ZNF675: variants seen among roughly 807,000 people sequenced by gnomAD.
ZNF675 encodes the protein TRAF6 inhibitory zinc finger.
In ZNF675, 36 loss-of-function variants were observed where a neutral mutation model predicts 56.1. That is an observed-to-expected ratio of 0.64 (90% CI 0.49 to 0.85). The LOEUF (loss-of-function observed/expected upper bound fraction) is 0.85. ZNF675 is among the 40% of genes least tolerant of loss of function. The pLI, the probability that ZNF675 is intolerant of heterozygous loss-of-function variation, is 0.00. For missense variants in ZNF675, 663 were observed against 654.2 expected, an observed-to-expected ratio of 1.01 and a Z score of -0.15; for synonymous variants, 200 against 218.9, an observed-to-expected ratio of 0.91 and a Z score of 0.76.
chr19:23,662,335 T>C (rs773974524), intron 2 of ZNF675, 126 bp from the exon 3 acceptor site: 4 of 602,490 alleles, frequency 6.6e-6, no homozygotes, highest in Non-Finnish European at 1.1e-5. Flanking sequence ...TACTGACTTA[T>C]AACAGAAATT....
chr19:23,676,078 T>C (rs1321792270), intron 1 of ZNF675, among the ~76,000 whole-genome samples: 3 of 151,088 alleles, frequency 2.0e-5, no homozygotes, highest in Non-Finnish European at 4.4e-5. Flanking sequence ...TGAGCACTTC[T>C]ATGCACAGTA....
chr19:23,662,133 C>A lies in ZNF675; in HGVS notation c.207G>T (p.Glu69Asp), dbSNP rs1968086994. 3 of 1,613,494 alleles carry A rather than the reference C, an allele frequency of 1.9e-6. No homozygotes were observed. The highest frequency in any genetic ancestry group is 2.5e-6 in the Non-Finnish European group (3 of 1,179,700). ...ACTTACCTGGGGGTTCATTCACCAT[C>A]TCATGTCTCTTCACAGTCAAAGGCT... is the stretch of plus-strand genomic sequence containing the variant. ...EKEPLTVKRH[E>D]MVNEPPVMCS... The change falls in exon 3 of 4, where the codon GAG (glutamate) becomes GAT (aspartate). Residue 69 changes from glutamate (E) to aspartate (D), a missense_variant. Around this residue, in one of 3 missense-constraint regions of ZNF675, gnomAD observed 617 missense variants for 590.5 expected, o/e 1.04. Coordinates refer to ENST00000359788, the MANE Select transcript of ZNF675 (RefSeq NM_138330.3).
intron 1 of ZNF675, among the ~76,000 whole-genome samples, chr19:23,670,777 T>C (rs1968218031): frequency 6.6e-6 from 1 of 152,206 alleles, no homozygotes; most frequent in Non-Finnish European, 1.5e-5. Context: ...GGAAATTTGC[T>C]GATGGGTTTC....
At chr19:23,657,502 A>C (rs760586263) in intron 3 of ZNF675, among the ~76,000 whole-genome samples, 12 of 152,152 alleles carry the variant, frequency 7.9e-5, no homozygotes, top group Non-Finnish European at 1.5e-4. Flanking sequence ...GGATCACCTG[A>C]GGTCGGGAGT....
chr19:23,672,174 TAAA>T (rs56087062), intron 1 of ZNF675, among the ~76,000 whole-genome samples: 7 of 145,860 alleles, frequency 4.8e-5, no homozygotes, highest in African/African-American at 1.3e-4. Context: ...CTCTTGGGTT[TAAA>T]AAAAAAAAAA....
At chr19:23,686,897 G>C (rs1051097764) in intron 1 of ZNF675, 134 bp downstream of exon 1, 2 of 1,122,384 alleles carry the variant, frequency 1.8e-6, no homozygotes, top group Non-Finnish European at 2.7e-6. Context: ...GGACTGAGCC[G>C]AGCTGGGGAA....
intron 3 of ZNF675, 162 bp from the exon 4 acceptor site, chr19:23,654,868 G>GA (rs11397874): frequency 0.75 from 282,481 of 378,242 alleles, 94,185 homozygotes; most frequent in African/African-American, 0.91. Context: ...GAGCCACATA[G>GA]AAAAAAAAAA....
chr19:23,686,204 C>A (rs1045600108), intron 1 of ZNF675: 5 of 152,194 alleles, frequency 3.3e-5, no homozygotes, highest in Non-Finnish European at 5.9e-5. Context: ...CTTCAAGCTG[C>A]TCTCATAAAG....
At chr19:23,663,244 G>T in intron 1 of ZNF675, 86 bp from the exon 2 acceptor site, 1 of 1,488,200 alleles carries the variant, frequency 6.7e-7, no homozygotes. Flanking sequence ...AGACTAAAGA[G>T]AACAGGTTCT....
intron 3 of ZNF675, among the ~76,000 whole-genome samples, chr19:23,659,109 C>A (rs946456901): frequency 1.3e-5 from 2 of 151,570 alleles, no homozygotes; most frequent in African/African-American, 4.8e-5. Flanking sequence ...TAGATACAGG[C>A]TGGACAAAAT....
intron 1 of ZNF675, 108 bp from the exon 2 acceptor site, chr19:23,663,266 G>T: frequency 7.5e-7 from 1 of 1,326,576 alleles, no homozygotes; most frequent in Non-Finnish European, 1.0e-6. Flanking sequence ...ATTTATAGGA[G>T]TGACTGAAAT....
At chr19:23,686,897 G>A (rs1051097764) in intron 1 of ZNF675, 134 bp downstream of exon 1, 7 of 1,122,382 alleles carry the variant, frequency 6.2e-6, no homozygotes, top group African/African-American at 4.6e-5. Flanking sequence ...GGACTGAGCC[G>A]AGCTGGGGAA....
intron 2 of ZNF675, among the ~76,000 whole-genome samples, chr19:23,662,464 C>T (rs1345732453): frequency 6.6e-6 from 1 of 152,132 alleles, no homozygotes; most frequent in Non-Finnish European, 1.5e-5. Flanking sequence ...ATATTTTATG[C>T]CACTAAACTT....
chr19:23,685,484 G>T lies in ZNF675; in HGVS notation c.3+1547C>A, dbSNP rs548609458. Among the ~76,000 whole-genome samples, 16 of 152,278 alleles carry T rather than the reference G, an allele frequency of 1.1e-4. 1 individual carries two copies. In the South Asian group the frequency reaches 3.3e-3, roughly 32 times the overall value. On this transcript the variant is annotated intron_variant, in intron 1 of 3. Coordinates refer to ENST00000359788, the MANE Select transcript of ZNF675 (RefSeq NM_138330.3). Reference sequence around the variant, plus strand: ...AGCCCAGGACCAGAAAAAACTGAAGGTGGCTGAGGCCACATCACCCATAAA... The same window carrying T: ...AGCCCAGGACCAGAAAAAACTGAAGTTGGCTGAGGCCACATCACCCATAAA...
chr19:23,658,605 G>C (rs995675640), intron 3 of ZNF675: 19 of 151,880 alleles, frequency 1.3e-4, no homozygotes, highest in African/African-American at 4.1e-4. Flanking sequence ...ACTTGAACCT[G>C]GGAGGTGGAG....
intron 3 of ZNF675, among the ~76,000 whole-genome samples, chr19:23,660,306 C>A (rs976702999): frequency 2.0e-5 from 3 of 152,154 alleles, no homozygotes; most frequent in Admixed American, 2.0e-4. Flanking sequence ...TCCTTCTGTA[C>A]ACAGATGCCA....
rs112421459 is a variant in ZNF675, at chr19:23,665,536, C to T, written c.4-2378G>A. On this transcript the variant is annotated intron_variant, in intron 1 of 3. Transcript: ENST00000359788. ...TGTGTGATGGAGTGTCGCTCTGTAGCGCAGGCTGGAGTGCAGTGGCGTGAT... is the reference window on the plus strand; with the variant it reads ...TGTGTGATGGAGTGTCGCTCTGTAGTGCAGGCTGGAGTGCAGTGGCGTGAT... 4.0e-5 allele frequency among the ~76,000 whole-genome samples: 6 copies of T among 151,892 alleles called. No individual in the cohort carries two copies. In the East Asian group the frequency reaches 9.8e-4, roughly 25 times the overall value.
chr19:23,669,077 C>T (rs1310694639), intron 1 of ZNF675, among the ~76,000 whole-genome samples: 2 of 152,318 alleles, frequency 1.3e-5, no homozygotes, highest in African/African-American at 2.4e-5. Flanking sequence ...ACTGCCAGCA[C>T]GCTGTCACCT....
intron 3 of ZNF675, among the ~76,000 whole-genome samples, chr19:23,659,048 G>A (rs1200695261): frequency 6.7e-6 from 1 of 149,424 alleles, no homozygotes; most frequent in Non-Finnish European, 1.5e-5. Flanking sequence ...GCAGAATATG[G>A]TTAGAGCGCC....
Sources: allele counts gnomAD v4.1 joint callset (sites outside exome capture counted in the v4.1 genomes callset), GRCh38; gene constraint gnomAD v4.1.1; regional missense constraint gnomAD v4.1.1; transcripts MANE v1.5; gene names NCBI Gene and HGNC (gene_info 2026-07-23, HGNC 2026-07-21).